CACNA1A: variants seen among roughly 807,000 people sequenced by gnomAD.
The protein encoded by CACNA1A is voltage-dependent P/Q-type calcium channel subunit alpha-1A.
In CACNA1A, 57 loss-of-function variants were observed where a neutral mutation model predicts 262.4. The observed-to-expected ratio is 0.22, with a 90% CI of 0.18 to 0.27. The LOEUF is 0.27. CACNA1A is among the 10% of genes least tolerant of loss of function. CACNA1A has a pLI of 1.00. For synonymous variants in CACNA1A, 1,431 were observed against 1,419.3 expected, an observed-to-expected ratio of 1.01 and a Z score of -0.18; for missense variants, 2,526 against 3,562.8, an observed-to-expected ratio of 0.71 and a Z score of 7.41.
chr19:13,401,621 T>C (rs73505164), intron 3 of CACNA1A, among the ~76,000 whole-genome samples: 9,047 of 152,130 alleles, frequency 0.059, 925 homozygotes, highest in African/African-American at 0.21. Context: ...GGCAGAAGTG[T>C]TGTTCACCAC....
At chr19:13,280,809 C>T (rs148805903) in intron 22 of CACNA1A, among the ~76,000 whole-genome samples, 13,681 of 151,648 alleles carry the variant, frequency 0.09, 940 homozygotes, top group African/African-American at 0.19. Context: ...GGTGTGGTGG[C>T]GCCTGCCTGT....
intron 6 of CACNA1A, among the ~76,000 whole-genome samples, chr19:13,345,292 G>A (rs987016432): frequency 6.6e-6 from 1 of 152,134 alleles, no homozygotes; most frequent in Non-Finnish European, 1.5e-5. Context: ...ATCACACAGG[G>A]TGCAGATGGC....
At chr19:13,247,400 A>G (rs527438837) in intron 30 of CACNA1A, among the ~76,000 whole-genome samples, 2 of 152,344 alleles carry the variant, frequency 1.3e-5, no homozygotes, top group African/African-American at 2.4e-5. Context: ...TGCCTAAAAA[A>G]GGAATTCAGG....
chr19:13,377,176 G>A (rs896918380), intron 3 of CACNA1A, among the ~76,000 whole-genome samples: 11 of 151,610 alleles, frequency 7.3e-5, no homozygotes, highest in Non-Finnish European at 1.6e-4. Context: ...TGGCCAGGCT[G>A]GTCTTGAACT....
chr19:13,438,614 G>A (rs1009857864), intron 3 of CACNA1A, among the ~76,000 whole-genome samples: 2 of 152,158 alleles, frequency 1.3e-5, no homozygotes, highest in Non-Finnish European at 2.9e-5. Context: ...CAGCTGACCC[G>A]CAGCTGACCA....
intron 10 of CACNA1A, among the ~76,000 whole-genome samples, chr19:13,326,835 G>A (rs962234027): frequency 6.7e-6 from 1 of 149,744 alleles, no homozygotes; most frequent in African/African-American, 2.4e-5. Flanking sequence ...TAATGTGAAC[G>A]TGAACGCAAA....
chr19:13,493,850 A>G (rs1422258), intron 1 of CACNA1A, among the ~76,000 whole-genome samples: 109,265 of 152,136 alleles, frequency 0.72, 40,244 homozygotes, highest in African/African-American at 0.88. Flanking sequence ...TATTAACAAC[A>G]GTCTTTTCTG....
rs10405905 is a variant in CACNA1A, at chr19:13,311,737, T to C, written c.1668+932A>G. 4.9e-3 allele frequency among the ~76,000 whole-genome samples: 749 copies of C among 152,006 alleles called. 9 individuals carry two copies. Among genetic ancestry groups the C allele is most frequent in the African/African-American group, 0.017 (700 of 41,472 alleles). On this transcript the variant is annotated intron_variant, in intron 12 of 46. Transcript: ENST00000360228. The stretch of plus-strand genomic sequence containing the variant: ...CTGTAGTCCCAGCTACTCGGGAGGC[T>C]GAGGCAGGAGAATGGAGTGAACCTG...
chr19:13,365,447 C>A lies in CACNA1A; in HGVS notation c.654G>T (p.Ser218=). ...GIPSLQVVLK[S]IMKAMIPLLQ... is the part of the protein sequence containing the mutation. ...GCAAAGGGATCATCGCCTTCATGAT[C>A]GACTTCAGGACGACTTGTAAACCTG... The change falls in exon 5 of 47, where the codon TCG becomes TCT. Residue 218 remains serine (S), a synonymous_variant. Coordinates refer to ENST00000360228, the MANE Select transcript of CACNA1A (RefSeq NM_001127222.2). The A allele has an allele frequency of 6.2e-7, 1 of 1,613,736 alleles. No homozygotes were observed. The highest frequency in any genetic ancestry group is 2.2e-5 in the East Asian group (1 of 44,876).
At position 13,365,505 on chromosome 19, in the gene CACNA1A, G is replaced by A. The variant is rs564634023; in HGVS notation, c.632-36C>T. The A allele has an allele frequency of 3.1e-6, 5 of 1,600,014 alleles. No homozygotes were observed. In the African/African-American group the frequency reaches 4.0e-5, roughly 13 times the overall value. ...ACAGAGAGAGGCCCCATAAGCCCATGAGCAAGTACCCCCAAACCCCGCCAC... is the reference window on the plus strand; with the variant it reads ...ACAGAGAGAGGCCCCATAAGCCCATAAGCAAGTACCCCCAAACCCCGCCAC... On this transcript the variant is annotated intron_variant, in intron 4 of 46. Transcript: ENST00000360228.
intron 23 of CACNA1A, among the ~76,000 whole-genome samples, chr19:13,276,650 T>C (rs1416900008): frequency 6.6e-6 from 1 of 150,918 alleles, no homozygotes; most frequent in Non-Finnish European, 1.5e-5. Flanking sequence ...ACTCATCCTC[T>C]CAAGGGGGGC....
At position 13,335,867 on chromosome 19, in the gene CACNA1A, T is replaced by C. The variant is rs778965302; in HGVS notation, c.1021A>G (p.Ile341Val). The change falls in exon 7 of 47, where the codon ATC (isoleucine) becomes GTC (valine). Residue 341 changes from isoleucine (I) to valine (V), a missense_variant. Around this residue, in one of 17 missense-constraint regions of CACNA1A, gnomAD observed 52 missense variants for 124.0 expected, o/e 0.42. Transcript: ENST00000360228. ...AAGGAGCCGATGATGATGAGGGGGA[T>C]GAAGTACAACCAGTTCCAAGTGTTC... ...SGNTWNWLYF[I>V]PLIIIGSFFM... is the part of the protein sequence containing the mutation. 1.9e-6 allele frequency: 3 copies of C among 1,610,310 alleles called. No homozygotes were observed. The highest frequency in any genetic ancestry group is 2.5e-6 in the Non-Finnish European group (3 of 1,178,350).
rs376836245 is a variant in CACNA1A, at chr19:13,277,062, C to T, written c.3882+7G>A. ...ACCGTGTGTTCTCACTTATAATCTG[C>T]ACTCACCTTGATCACCATCTCAAAG... On this transcript the variant is annotated splice_region_variant and intron_variant, in intron 23 of 46. Transcript: ENST00000360228. 3.1e-6 allele frequency: 5 copies of T among 1,601,684 alleles called. No homozygotes were observed. In the African/African-American group the frequency reaches 4.0e-5, roughly 13 times the overall value.
At position 13,257,819 on chromosome 19, in the gene CACNA1A, C is replaced by T. The variant is rs577701382; in HGVS notation, c.4389-268G>A. On this transcript the variant is annotated intron_variant, in intron 27 of 46. Transcript: ENST00000360228. ...ACGGCGTGATCTTGGGTCACTACAA[C>T]CTCCGCCTCCCGGGTTCAAATGATT... 1.8e-4 allele frequency: 41 copies of T among 232,176 alleles called. No homozygotes were observed. The South Asian group carries it at 4.9e-3, about 28-fold the overall frequency. The allele number at this position is 232,176 out of a possible 1,614,324, so 14.4% of individuals were successfully genotyped here. A position where few individuals can be genotyped will look rare whatever the true frequency, so the allele number is the denominator to read the frequency against.
intron 1 of CACNA1A, among the ~76,000 whole-genome samples, chr19:13,469,813 C>G (rs890887130): frequency 3.3e-5 from 5 of 151,780 alleles, no homozygotes; most frequent in African/African-American, 1.2e-4. Flanking sequence ...AAATGCAAAC[C>G]AACGTCCATC....
intron 10 of CACNA1A, among the ~76,000 whole-genome samples, chr19:13,320,217 A>AG (rs554923296): frequency 4.1e-4 from 59 of 145,116 alleles, no homozygotes; most frequent in Admixed American, 5.7e-4. Context: ...CTTGGGGGAC[A>AG]GGGGGGATGT....
Position 13,303,675 on chromosome 19 carries a change from C to A in CACNA1A, c.2105-62G>T, listed in dbSNP as rs372147293. The A allele has an allele frequency of 2.5e-6, 4 of 1,572,540 alleles. No homozygotes were observed. The African/African-American group carries it at 5.4e-5, about 21-fold the overall frequency. On this transcript the variant is annotated intron_variant, in intron 16 of 46. Transcript: ENST00000360228. ...GGGACACCACTTGGGCCCTGGGTAT[C>A]TGGGTCTCTCAGTACCCTCCCTTGA...
chr19:13,280,555 G>T (rs1427645563), intron 22 of CACNA1A, among the ~76,000 whole-genome samples: 1 of 152,066 alleles, frequency 6.6e-6, no homozygotes, highest in East Asian at 1.9e-4. Flanking sequence ...CATGGGGACA[G>T]TATTCACACT....
Position 13,317,141 on chromosome 19 carries a change from T to C in CACNA1A, c.1526A>G (p.Asn509Ser), listed in dbSNP as rs1427943192. 2 of 1,609,592 alleles carry C rather than the reference T, an allele frequency of 1.2e-6. No individual in the cohort carries two copies. The highest frequency in any genetic ancestry group is 4.5e-5 in the East Asian group (2 of 44,772). Reference protein sequence around the residue: ...NTLCVAIVHYNQPEWLSDFLY... With the variant: ...NTLCVAIVHYSQPEWLSDFLY... The stretch of plus-strand genomic sequence containing the variant: ...GAAGTCGGAGAGCCACTCGGGCTGG[T>C]TGTAGTGAACAATAGCAACACACAG... Residue 509 changes from asparagine (N) to serine (S), a missense_variant, in exon 11 of 47, where the codon AAC becomes AGC. This residue lies in a region of CACNA1A where 102 missense variants were observed against 278.9 expected (regional missense o/e 0.37). Transcript: ENST00000360228.
Sources: gnomAD v4.1 joint callset for allele counts (sites outside exome capture counted in the v4.1 genomes callset) on GRCh38, gnomAD v4.1.1 for gene constraint, gnomAD v4.1.1 regional missense constraint, MANE v1.5 for transcripts, NCBI Gene and HGNC (gene_info 2026-07-23, HGNC 2026-07-21) for gene names.